ADCY8: variants seen among roughly 807,000 people sequenced by gnomAD.
ADCY8 encodes the protein adenylate cyclase 8, also known as adenylate cyclase type 8.
A neutral mutation model predicts 119.7 loss-of-function variants in ADCY8; 51 were observed. That is an observed-to-expected ratio of 0.43 (90% CI 0.34 to 0.54). The LOEUF is 0.54. Among genes scored for constraint, ADCY8 ranks in the 20% least tolerant of loss-of-function variants. ADCY8 has a pLI of 0.03. For missense variants in ADCY8, 1,383 were observed against 1,598.8 expected (o/e 0.87, Z 2.30); for synonymous variants, 665 against 651.0 (o/e 1.02, Z -0.33).
chr8:130,899,360 C>T (rs955123241), intron 7 of ADCY8, among the ~76,000 whole-genome samples: 4 of 152,074 alleles, frequency 2.6e-5, no homozygotes, highest in African/African-American at 9.7e-5. Context: ...AATCCCAGAA[C>T]TTTGGGAGTC....
chr8:130,829,637 A>G (rs1446463857), intron 12 of ADCY8, among the ~76,000 whole-genome samples: 1 of 152,208 alleles, frequency 6.6e-6, no homozygotes, highest in Non-Finnish European at 1.5e-5. Context: ...TACTTGTCCT[A>G]AAAAGAATAG....
At chr8:130,890,161 T>G (rs1405157944) in intron 7 of ADCY8, among the ~76,000 whole-genome samples, 3 of 141,310 alleles carry the variant, frequency 2.1e-5, no homozygotes, top group Non-Finnish European at 4.5e-5. Flanking sequence ...GTCGAACACA[T>G]GGACACAGGG....
chr8:130,809,331 GA>G (rs1261114180), intron 14 of ADCY8, among the ~76,000 whole-genome samples: 1 of 152,158 alleles, frequency 6.6e-6, no homozygotes, highest in Non-Finnish European at 1.5e-5. Flanking sequence ...TCTTCATCTA[GA>G]AAATGGGGAT....
At chr8:131,021,967 A>C (rs1042182821) in intron 1 of ADCY8, among the ~76,000 whole-genome samples, 1 of 152,206 alleles carries the variant, frequency 6.6e-6, no homozygotes, top group African/African-American at 2.4e-5. Context: ...TTATGTGGGC[A>C]ACTAAGTTTG....
intron 9 of ADCY8, among the ~76,000 whole-genome samples, chr8:130,850,850 A>G (rs1024936931): frequency 6.6e-6 from 1 of 152,178 alleles, no homozygotes; most frequent in Non-Finnish European, 1.5e-5. Flanking sequence ...TAGTATAAAT[A>G]ATGTATCGAG....
chr8:130,982,133 A>G (rs1586628235), intron 2 of ADCY8, among the ~76,000 whole-genome samples: 1 of 152,236 alleles, frequency 6.6e-6, no homozygotes, highest in Non-Finnish European at 1.5e-5. Flanking sequence ...GATGGAACAC[A>G]AGAGCTGGTG....
intron 5 of ADCY8, 93 bp downstream of exon 5, chr8:130,936,980 A>G: frequency 7.0e-7 from 1 of 1,420,762 alleles, no homozygotes; most frequent in Non-Finnish European, 9.4e-7. Context: ...TCTGCCTTTC[A>G]CCATACATAT....
At chr8:131,004,368 G>A (rs1823048920) in intron 1 of ADCY8, among the ~76,000 whole-genome samples, 1 of 152,038 alleles carries the variant, frequency 6.6e-6, no homozygotes, top group Non-Finnish European at 1.5e-5. Context: ...ATGCTTTTTT[G>A]TTGAAGCCAT....
At chr8:130,962,550 T>C (rs994819673) in intron 2 of ADCY8, among the ~76,000 whole-genome samples, 1 of 152,206 alleles carries the variant, frequency 6.6e-6, no homozygotes, top group Non-Finnish European at 1.5e-5. Flanking sequence ...TAACATACTC[T>C]ATTCAAGTCG....
At chr8:130,960,233 C>T (rs111827548) in intron 2 of ADCY8, among the ~76,000 whole-genome samples, 7 of 152,154 alleles carry the variant, frequency 4.6e-5, no homozygotes, top group East Asian at 3.9e-4. Context: ...AAGGATGGAA[C>T]CTTGGATCTA....
intron 5 of ADCY8, among the ~76,000 whole-genome samples, chr8:130,912,033 C>G (rs1455886353): frequency 6.6e-6 from 1 of 152,148 alleles, no homozygotes; most frequent in East Asian, 1.9e-4. Flanking sequence ...CTCTCTGGGA[C>G]CATGGTGCTT....
chr8:130,976,431 A>C (rs1332850105), intron 2 of ADCY8, among the ~76,000 whole-genome samples: 1 of 152,202 alleles, frequency 6.6e-6, no homozygotes, highest in Non-Finnish European at 1.5e-5. Context: ...GATAAAGCAA[A>C]TTATTGCCTA....
At chr8:130,903,735 A>T (rs368720818) in intron 7 of ADCY8, 37 bp downstream of exon 7, 2 of 1,606,694 alleles carry the variant, frequency 1.2e-6, no homozygotes, top group Non-Finnish European at 1.7e-6. Flanking sequence ...ACGAGCATGC[A>T]TTCATGGCCA....
chr8:131,039,452 C>T lies in ADCY8; in HGVS notation c.882G>A (p.Leu294=). 1 of 1,614,202 alleles carries T rather than the reference C, an allele frequency of 6.2e-7. No homozygotes were observed. Among genetic ancestry groups the T allele is most frequent in the Non-Finnish European group, 8.5e-7 (1 of 1,180,048 alleles). Residue 294 remains leucine (L), a synonymous_variant, in exon 1 of 18, where the codon CTG becomes CTA. Transcript: ENST00000286355. ...GCAGCAGCGAGGTGCCCAGGCCGGC[C>T]AGGATGGCCCAGGTGAGCGGCAGCG... is the stretch of plus-strand genomic sequence containing the variant. ...MLPLPLTWAI[L]AGLGTSLLQV... is the part of the protein sequence containing the mutation.
At chr8:131,014,048 GT>G (rs1427327774) in intron 1 of ADCY8, among the ~76,000 whole-genome samples, 10 of 152,120 alleles carry the variant, frequency 6.6e-5, no homozygotes, top group African/African-American at 2.2e-4. Context: ...ACTTTACAAA[GT>G]TTCTCAACTG....
In ADCY8 at chr8:130,824,161, A is replaced by G. The variant is rs138944559; in HGVS notation, c.2676-2741T>C. On this transcript the variant is annotated intron_variant, in intron 12 of 17. Coordinates refer to ENST00000286355, the MANE Select transcript of ADCY8 (RefSeq NM_001115.3). ...ATAGCACATTTGACCCCGAATTTTT[A>G]GTTTATTATTAGTTCCCAATTGCTT... Among the ~76,000 whole-genome samples the G allele has an allele frequency of 9.9e-4, 151 of 152,284 alleles. 1 individual carries two copies. In the East Asian group the frequency reaches 0.02, roughly 20 times the overall value.
At chr8:130,935,721 C>T (rs545942790) in intron 5 of ADCY8, among the ~76,000 whole-genome samples, 1 of 152,204 alleles carries the variant, frequency 6.6e-6, no homozygotes, top group African/African-American at 2.4e-5. Flanking sequence ...TTGCCCACTG[C>T]CTTCTTTCAA....
At chr8:130,820,645 G>C (rs1586447153) in intron 13 of ADCY8, among the ~76,000 whole-genome samples, 1 of 152,164 alleles carries the variant, frequency 6.6e-6, no homozygotes, top group East Asian at 1.9e-4. Context: ...TTTGGGGTCA[G>C]CTCTACTCCA....
intron 14 of ADCY8, among the ~76,000 whole-genome samples, chr8:130,801,026 C>A (rs1272683789): frequency 1.3e-5 from 2 of 152,186 alleles, no homozygotes; most frequent in East Asian, 3.8e-4. Flanking sequence ...CTAATACCAT[C>A]ACCTTGTGAG....
Sources: gnomAD v4.1 joint callset for allele counts (sites outside exome capture counted in the v4.1 genomes callset) on GRCh38, gnomAD v4.1.1 for gene constraint, MANE v1.5 for transcripts, NCBI Gene and HGNC (gene_info 2026-07-23, HGNC 2026-07-21) for gene names.